DENND2D: variants seen among roughly 807,000 people sequenced by gnomAD.
DENND2D encodes DENN domain containing 2D, also known as DENN domain-containing protein 2D.
Under a neutral mutation model 59.8 loss-of-function variants are expected in DENND2D, and 37 were observed. The ratio of observed to expected loss-of-function variants is 0.62; its 90% confidence interval spans 0.48 to 0.81. DENND2D has a LOEUF of 0.81. DENND2D is among the 40% of genes least tolerant of loss of function. The pLI is 0.00. For synonymous variants in DENND2D, 219 were observed against 211.3 expected, an observed-to-expected ratio of 1.04 and a Z score of -0.31; for missense variants, 525 against 579.7, an observed-to-expected ratio of 0.91 and a Z score of 0.97.
intron 3 of DENND2D, 134 bp downstream of exon 3, chr1:111,198,496 T>C (rs1417835992): frequency 5.9e-6 from 5 of 844,222 alleles, no homozygotes; most frequent in Admixed American, 2.2e-5. Context: ...GCCAGATGTT[T>C]TCAAACAAAT....
intron 1 of DENND2D, chr1:111,200,050 T>G: frequency 1.7e-6 from 1 of 592,866 alleles, no homozygotes. Flanking sequence ...CACGGAAATG[T>G]GCTGGAGAGG....
chr1:111,188,284 G>T lies in DENND2D; in HGVS notation c.1186C>A (p.Arg396=). The part of the protein sequence containing the change: ...IVGHYASYIK[R]EANGQGHFQE... ...AAGTGGCCTTGCCCATTTGCCTCCC[G>T]CTTGATATAGGAAGCATAATGGCCC... is the stretch of plus-strand genomic sequence containing the variant. Residue 396 remains arginine (R), a synonymous_variant, in exon 11 of 12, where the codon CGG becomes AGG. Coordinates refer to ENST00000357640, the MANE Select transcript of DENND2D (RefSeq NM_024901.5). The T allele has an allele frequency of 6.2e-7, 1 of 1,614,152 alleles. No individual in the cohort carries two copies. Among genetic ancestry groups the T allele is most frequent in the South Asian group, 1.1e-5 (1 of 91,076 alleles).
chr1:111,200,733 C>A (rs1658722424), upstream of DENND2D: 3 of 1,250,854 alleles, frequency 2.4e-6, no homozygotes, highest in African/African-American at 4.6e-5. Flanking sequence ...CTCCCAAGAG[C>A]CCCAGGGTGT....
At position 111,199,564 on chromosome 1, in the gene DENND2D, C is replaced by A. The variant is rs972375503; in HGVS notation, c.243+59G>T. On this transcript the variant is annotated intron_variant, in intron 2 of 11. Transcript: ENST00000357640. ...GGAGAAGGAGGTGGAACCCCCACCC[C>A]TACCACCTTCCAAACACCCCAGTCC... 87 of 1,556,078 alleles carry A rather than the reference C, an allele frequency of 5.6e-5. No homozygotes were observed. In the African/African-American group the frequency reaches 1.0e-3, roughly 18 times the overall value.
At chr1:111,189,429 G>C in intron 8 of DENND2D, 176 bp from the exon 9 acceptor site, 1 of 656,286 alleles carries the variant, frequency 1.5e-6, no homozygotes, top group South Asian at 1.9e-5. Flanking sequence ...CCCCTCTGGA[G>C]ATCTCAGTTC....
At chr1:111,204,344 G>A (rs558796668), upstream of DENND2D, 292 of 1,480,468 alleles carry the variant, frequency 2.0e-4, 2 homozygotes, top group South Asian at 3.5e-3. Flanking sequence ...CGGCGGCCGA[G>A]CCCATCCATG....
At chr1:111,197,548 A>G in intron 4 of DENND2D, 1 of 1,372,622 alleles carries the variant, frequency 7.3e-7, no homozygotes, top group South Asian at 1.7e-5. Context: ...AGCACTGTAA[A>G]GGTGACTTGG....
chr1:111,196,701 A>T (rs576301879), intron 5 of DENND2D: 2 of 162,314 alleles, frequency 1.2e-5, no homozygotes, highest in African/African-American at 4.8e-5. Context: ...CTCCAAGAGA[A>T]GTCCTGGGGA....
intron 8 of DENND2D, 133 bp downstream of exon 8, chr1:111,192,007 T>G (rs1458328420): frequency 1.8e-5 from 16 of 869,758 alleles, no homozygotes; most frequent in Admixed American, 3.1e-5. Flanking sequence ...ATCCCCATTT[T>G]AGAGATGAGA....
intron 4 of DENND2D, 140 bp from the exon 5 acceptor site, chr1:111,197,393 G>A: frequency 1.4e-6 from 2 of 1,464,918 alleles, no homozygotes; most frequent in South Asian, 2.7e-5. Context: ...GGTCAGAATG[G>A]CCACCAGCAT....
At chr1:111,189,814 A>G (rs1657564434) in intron 8 of DENND2D, among the ~76,000 whole-genome samples, 1 of 152,312 alleles carries the variant, frequency 6.6e-6, no homozygotes, top group South Asian at 2.1e-4. Flanking sequence ...TCTAGAACAG[A>G]GACCAACATC....
intron 6 of DENND2D, chr1:111,195,599 G>A (rs1658151043): frequency 3.2e-6 from 1 of 312,860 alleles, no homozygotes; most frequent in South Asian, 2.8e-5. Context: ...AGTGGAAGGG[G>A]GGTAGCGGCA....
chr1:111,200,490 C>T lies in DENND2D; in HGVS notation c.-31G>A. 6.3e-7 allele frequency: 1 copy of T among 1,589,634 alleles called. No homozygotes were observed. The highest frequency in any genetic ancestry group is 8.6e-7 in the Non-Finnish European group (1 of 1,167,762). ...GGCCTTCAGGACAGAGCGGACTCCC[C>T]TCTCCCCTAACACAGACAGACTGGT... On this transcript the variant is annotated 5_prime_UTR_variant, in exon 1 of 12. Transcript: ENST00000357640.
At chr1:111,200,182 C>G in intron 1 of DENND2D, 1 of 632,628 alleles carries the variant, frequency 1.6e-6, no homozygotes, top group Non-Finnish European at 2.7e-6. Flanking sequence ...AGAACAGGCT[C>G]AAAGGGCATG....
intron 5 of DENND2D, 23 bp downstream of exon 5, chr1:111,197,153 G>GA (rs6143371): frequency 3.1e-6 from 5 of 1,610,374 alleles, no homozygotes; most frequent in Admixed American, 3.4e-5. Flanking sequence ...ATATGGGCAG[G>GA]CCCTGAGGAA....
rs1657453414 is a variant in DENND2D, at chr1:111,188,707, A to G, written c.1094T>C (p.Leu365Ser). 2 of 1,613,704 alleles carry G rather than the reference A, an allele frequency of 1.2e-6. No homozygotes were observed. Among genetic ancestry groups the G allele is most frequent in the Non-Finnish European group, 1.7e-6 (2 of 1,179,646 alleles). Residue 365 changes from leucine (L) to serine (S), a missense_variant, in exon 10 of 12, where the codon TTA (leucine) becomes TCA (serine). Physicochemically the swap from Leu to Ser is moderately radical, Grantham distance 145. Around this residue, in one of 3 missense-constraint regions of DENND2D, gnomAD observed 225 missense variants for 252.4 expected, o/e 0.89. Transcript: ENST00000357640. ...AAATAAGAGTAAGGACTTACTCTTT[A>G]ACTCATTGATCCCCTGACCAAGAGA... ...LDSLGQGINE[L>S]KTAEQINEHV...
chr1:111,196,076 G>C lies in DENND2D; in HGVS notation c.505-20C>G. ...CAGGATCTGCAGGGAAAAGAACCACGGGAGGCACGGCTCAAAGGGACACTA... is the reference window on the plus strand; with the variant it reads ...CAGGATCTGCAGGGAAAAGAACCACCGGAGGCACGGCTCAAAGGGACACTA... On this transcript the variant is annotated intron_variant, in intron 5 of 11. Coordinates refer to ENST00000357640, the MANE Select transcript of DENND2D (RefSeq NM_024901.5). 2.5e-6 allele frequency: 4 copies of C among 1,591,620 alleles called. No homozygotes were observed. Among genetic ancestry groups the C allele is most frequent in the Non-Finnish European group, 3.4e-6 (4 of 1,168,392 alleles).
intron 10 of DENND2D, 46 bp downstream of exon 10, chr1:111,188,656 G>T (rs757267740): frequency 2.0e-6 from 3 of 1,483,890 alleles, no homozygotes; most frequent in Non-Finnish European, 2.8e-6. Context: ...TGAGAAGCAT[G>T]CCCTTGCACT....
At chr1:111,195,536 A>G in intron 6 of DENND2D, 1 of 209,426 alleles carries the variant, frequency 4.8e-6, no homozygotes, top group South Asian at 6.2e-5. Flanking sequence ...GGGATGGATG[A>G]TAAGAAATGG....
Sources: allele counts gnomAD v4.1 joint callset (sites outside exome capture counted in the v4.1 genomes callset), GRCh38; gene constraint gnomAD v4.1.1; regional missense constraint gnomAD v4.1.1; transcripts MANE v1.5; gene names NCBI Gene and HGNC (gene_info 2026-07-23, HGNC 2026-07-21).